TEAD1: variants seen among roughly 807,000 people sequenced by gnomAD.
TEAD1 encodes TEA domain transcription factor 1.
A neutral mutation model predicts 54.9 loss-of-function variants in TEAD1; 9 were observed. The observed-to-expected ratio is 0.16, with a 90% CI of 0.10 to 0.29. TEAD1 has a LOEUF of 0.29. TEAD1 is among the 10% of genes least tolerant of loss of function. The pLI, the probability that TEAD1 is intolerant of heterozygous loss-of-function variation, is 1.00. For missense variants in TEAD1, 387 were observed against 535.9 expected, an observed-to-expected ratio of 0.72 and a Z score of 2.74; for synonymous variants, 200 against 187.8, an observed-to-expected ratio of 1.07 and a Z score of -0.53.
chr11:12,923,864 T>C (rs1422729382), intron 10 of TEAD1, among the ~76,000 whole-genome samples: 2 of 152,032 alleles, frequency 1.3e-5, no homozygotes, highest in Non-Finnish European at 2.9e-5. Context: ...TGCACTGGGG[T>C]TTAAGCTTCC....
At chr11:12,811,065 A>G (rs1445811715) in intron 3 of TEAD1, among the ~76,000 whole-genome samples, 1 of 152,140 alleles carries the variant, frequency 6.6e-6, no homozygotes, top group Non-Finnish European at 1.5e-5. Flanking sequence ...GTCCCTTGCA[A>G]CTCTGGAAGT....
intron 2 of TEAD1, among the ~76,000 whole-genome samples, chr11:12,717,728 A>C (rs373654703): frequency 2.2e-4 from 34 of 152,278 alleles, no homozygotes; most frequent in African/African-American, 7.7e-4. Flanking sequence ...TGCTCACCCC[A>C]GGCCCCTGGC....
chr11:12,707,442 G>A (rs1174681260), intron 2 of TEAD1, among the ~76,000 whole-genome samples: 1 of 152,186 alleles, frequency 6.6e-6, no homozygotes, highest in African/African-American at 2.4e-5. Context: ...CACAAAGTCT[G>A]TGCACCAGAG....
intron 3 of TEAD1, among the ~76,000 whole-genome samples, chr11:12,815,006 G>A (rs766657523): frequency 1.1e-4 from 16 of 152,158 alleles, no homozygotes; most frequent in Non-Finnish European, 2.2e-4. Context: ...TGTAATGGTT[G>A]CTGACTAAGT....
intron 2 of TEAD1, among the ~76,000 whole-genome samples, chr11:12,742,780 A>G (rs1944672756): frequency 6.6e-6 from 1 of 152,224 alleles, no homozygotes; most frequent in African/African-American, 2.4e-5. Context: ...TCAAGTAAAT[A>G]TTAGCTGTGA....
chr11:12,855,947 TAA>T (rs34579028), intron 3 of TEAD1, among the ~76,000 whole-genome samples: 56 of 139,194 alleles, frequency 4.0e-4, no homozygotes, highest in Non-Finnish European at 3.4e-4. Context: ...GACCTTGTCT[TAA>T]AAAAAAAAAA....
At chr11:12,914,899 C>A (rs1337258144) in intron 10 of TEAD1, among the ~76,000 whole-genome samples, 3 of 152,260 alleles carry the variant, frequency 2.0e-5, no homozygotes, top group Non-Finnish European at 4.4e-5. Context: ...TGCCAAGGAG[C>A]CAGATGCTAC....
intron 2 of TEAD1, among the ~76,000 whole-genome samples, chr11:12,677,159 TTTTTC>T (rs1190964640): frequency 6.6e-6 from 1 of 152,274 alleles, no homozygotes; most frequent in South Asian, 2.1e-4. Flanking sequence ...TGGAGGGTTT[TTTTTC>T]TTTTCTTTTC....
chr11:12,820,069 G>A (rs1292060891), intron 3 of TEAD1, among the ~76,000 whole-genome samples: 2 of 151,912 alleles, frequency 1.3e-5, no homozygotes, highest in African/African-American at 2.4e-5. Context: ...AAGGGGAGGT[G>A]GTGGCAGGTC....
chr11:12,863,473 T>A (rs1947550155), intron 4 of TEAD1, among the ~76,000 whole-genome samples: 2 of 152,144 alleles, frequency 1.3e-5, no homozygotes. Flanking sequence ...TGCTTCTCTG[T>A]ACTTAAGAAA....
chr11:12,776,870 C>G (rs1242813707), intron 3 of TEAD1, among the ~76,000 whole-genome samples: 1 of 151,522 alleles, frequency 6.6e-6, no homozygotes, highest in Non-Finnish European at 1.5e-5. Flanking sequence ...CACCATCTCA[C>G]TGCAACCTCC....
intron 3 of TEAD1, among the ~76,000 whole-genome samples, chr11:12,805,483 C>A (rs368880801): frequency 1.3e-5 from 2 of 152,108 alleles, no homozygotes; most frequent in African/African-American, 4.8e-5. Flanking sequence ...AAGTAAAGAT[C>A]ATGTAACATA....
At chr11:12,694,815 T>C (rs1359808483) in intron 2 of TEAD1, among the ~76,000 whole-genome samples, 1 of 152,218 alleles carries the variant, frequency 6.6e-6, no homozygotes, top group Non-Finnish European at 1.5e-5. Flanking sequence ...TTCTCCCCCC[T>C]ACTGTAGGTT....
chr11:12,764,209 G>T lies in TEAD1; in HGVS notation c.-24G>T. Reference sequence around the variant, plus strand: ...TTTTCTTGAAAAGGCTCCAGGCTTCGGCTTGGAAAATCCCACCGCCAAAAT... The same window carrying T: ...TTTTCTTGAAAAGGCTCCAGGCTTCTGCTTGGAAAATCCCACCGCCAAAAT... On this transcript the variant is annotated 5_prime_UTR_variant, in exon 3 of 13. Coordinates refer to ENST00000527636, the MANE Select transcript of TEAD1 (RefSeq NM_021961.6). 1.2e-6 allele frequency: 2 copies of T among 1,610,460 alleles called. No homozygotes were observed. The highest frequency in any genetic ancestry group is 2.2e-5 in the South Asian group (2 of 90,546).
rs1428794054 is a variant in TEAD1 at position 12,937,151 on chromosome 11, G to T, written c.1210G>T (p.Ala404Ser). The T allele has an allele frequency of 6.2e-7, 1 of 1,613,772 alleles. No homozygotes were observed. The highest frequency in any genetic ancestry group is 1.3e-5 in the African/African-American group (1 of 74,862). Reference sequence around the variant, plus strand: ...TACACAAGAAACTCTACTCTGCATGGCCTGTGTGTTTGAAGTTTCAAATAG... The same window carrying T: ...TACACAAGAAACTCTACTCTGCATGTCCTGTGTGTTTGAAGTTTCAAATAG... The change falls in exon 13 of 13, where the codon GCC becomes TCC. Residue 404 changes from alanine (A) to serine (S), a missense_variant. By Grantham distance (99) the Ala-to-Ser change is moderately conservative (BLOSUM62 1). This residue lies in a region of TEAD1 where 123 missense variants were observed against 199.0 expected (regional missense o/e 0.62). Coordinates refer to ENST00000527636, the MANE Select transcript of TEAD1 (RefSeq NM_021961.6).
intron 2 of TEAD1, among the ~76,000 whole-genome samples, chr11:12,678,653 G>C (rs531005390): frequency 6.6e-6 from 1 of 152,258 alleles, no homozygotes; most frequent in South Asian, 2.1e-4. Context: ...CTGAAATCAG[G>C]GAAGTTCTGG....
chr11:12,786,429 T>C (rs1459932554), intron 3 of TEAD1, among the ~76,000 whole-genome samples: 1 of 152,180 alleles, frequency 6.6e-6, no homozygotes, highest in African/African-American at 2.4e-5. Context: ...TTGCCCATTC[T>C]CTCACTGGAG....
intron 12 of TEAD1, among the ~76,000 whole-genome samples, 187 bp downstream of exon 12, chr11:12,930,513 G>A (rs1307477794): frequency 6.6e-6 from 1 of 152,186 alleles, no homozygotes; most frequent in Non-Finnish European, 1.5e-5. Flanking sequence ...GCTTGATTCT[G>A]TAGAAGAGAA....
At chr11:12,684,027 A>G (rs1407926891) in intron 2 of TEAD1, among the ~76,000 whole-genome samples, 2 of 152,212 alleles carry the variant, frequency 1.3e-5, no homozygotes, top group African/African-American at 4.8e-5. Flanking sequence ...GTCATGTTGC[A>G]TAATAGATCT....
Sources: allele counts gnomAD v4.1 joint callset (sites outside exome capture counted in the v4.1 genomes callset), GRCh38; gene constraint gnomAD v4.1.1; regional missense constraint gnomAD v4.1.1; transcripts MANE v1.5; gene names NCBI Gene and HGNC (gene_info 2026-07-23, HGNC 2026-07-21).